Variants in SINHCAF observed in about 807,000 individuals in gnomAD.
SINHCAF encodes SIN3-HDAC complex-associated factor.
In SINHCAF, 3 loss-of-function variants were observed where a neutral mutation model predicts 25.8. That is an observed-to-expected ratio of 0.12 (90% confidence interval 0.05 to 0.30). SINHCAF has a LOEUF of 0.30. SINHCAF is among the 10% of genes least tolerant of loss of function. The pLI, the probability that SINHCAF is intolerant of heterozygous loss-of-function variation, is 1.00. For missense variants in SINHCAF, 121 were observed against 262.3 expected (o/e 0.46, Z 3.72); for synonymous variants, 70 against 85.5 (o/e 0.82, Z 1.00).
chr12:31,319,280 G>C (rs1489070003), intron 1 of SINHCAF, among the ~76,000 whole-genome samples: 2 of 152,184 alleles, frequency 1.3e-5, no homozygotes, highest in African/African-American at 4.8e-5. Context: ...TGTAATCCCA[G>C]CACTATGGGA....
rs138364554 is a variant in SINHCAF, at chr12:31,287,711, G to A, written c.429C>T (p.Asp143=). Residue 143 remains aspartate (D), a synonymous_variant, in exon 5 of 6, where the codon GAC becomes GAT. Coordinates refer to ENST00000337682, the MANE Select transcript of SINHCAF (RefSeq NM_001135812.2). ...QSPCYSNQSD[D]GSDTEMASGS... ...CAGAAGCCATCTCTGTATCTGAGCC[G>A]TCATCTGACTGGTTACTGTAACAAG... The A allele has an allele frequency of 4.4e-5, 71 of 1,610,732 alleles. No homozygotes were observed. Among genetic ancestry groups the A allele is most frequent in the Non-Finnish European group, 5.5e-5 (65 of 1,178,218 alleles).
chr12:31,287,982 A>C (rs1267171939), intron 4 of SINHCAF, among the ~76,000 whole-genome samples, 198 bp from the exon 5 acceptor site: 1 of 152,198 alleles, frequency 6.6e-6, no homozygotes, highest in East Asian at 1.9e-4. Flanking sequence ...TGGAATAGAC[A>C]TACTTCCTAT....
intron 1 of SINHCAF, among the ~76,000 whole-genome samples, chr12:31,308,911 T>TA (rs1939144039): frequency 2.6e-5 from 4 of 151,910 alleles, no homozygotes; most frequent in Non-Finnish European, 4.4e-5. Flanking sequence ...GTGGATCACT[T>TA]GAGGTCAGGA....
rs759017028 is a variant in SINHCAF, at chr12:31,298,301, C to T, written c.-20-77G>A. 147 of 1,556,014 alleles carry T rather than the reference C, an allele frequency of 9.4e-5. No homozygotes were observed. The Middle Eastern group carries it at 1.3e-3, about 14-fold the overall frequency. ...CCATTAAAGAGTTCTCTCTGCTCCA[C>T]CCCACCCCCAAGCAACTTGGTGTTA... On this transcript the variant is annotated intron_variant, in intron 1 of 5. Coordinates refer to ENST00000337682, the MANE Select transcript of SINHCAF (RefSeq NM_001135812.2).
chr12:31,313,144 C>T (rs1323659563), intron 1 of SINHCAF, among the ~76,000 whole-genome samples: 3 of 152,174 alleles, frequency 2.0e-5, no homozygotes, highest in African/African-American at 7.2e-5. Flanking sequence ...CCTGCCTCAG[C>T]CTCCCAAGTA....
chr12:31,284,917 C>T (rs1937971095), intron 5 of SINHCAF, among the ~76,000 whole-genome samples: 1 of 152,080 alleles, frequency 6.6e-6, no homozygotes, highest in South Asian at 2.1e-4. Flanking sequence ...CTGAAGATGC[C>T]TATTTTGGGC....
At position 31,281,733 on chromosome 12, in the gene SINHCAF, A is replaced by G. The variant is rs4015566; in HGVS notation, c.*979T>C. Reference sequence around the variant, plus strand: ...GTACTATTCATACAGGGTCTTGCCTATCCTAAAGACTTGCCATTTCCCCAA... The same window carrying G: ...GTACTATTCATACAGGGTCTTGCCTGTCCTAAAGACTTGCCATTTCCCCAA... On this transcript the variant is annotated 3_prime_UTR_variant, in exon 6 of 6. Coordinates refer to ENST00000337682, the MANE Select transcript of SINHCAF (RefSeq NM_001135812.2). The G allele has an allele frequency of 6.6e-6, 1 of 152,226 alleles. No homozygotes were observed. Among genetic ancestry groups the G allele is most frequent in the Admixed American group, 6.5e-5 (1 of 15,278 alleles). 9.4% of individuals were successfully genotyped at this position (152,226 alleles called of 1,614,324 possible). A position where few individuals can be genotyped will look rare whatever the true frequency, so the allele number is the denominator to read the frequency against.
chr12:31,318,484 C>T (rs774897988), intron 1 of SINHCAF, among the ~76,000 whole-genome samples: 9 of 151,948 alleles, frequency 5.9e-5, no homozygotes, highest in Non-Finnish European at 1.3e-4. Flanking sequence ...CTATGGAATC[C>T]ACACTTGGCA....
chr12:31,298,421 A>C, intron 1 of SINHCAF, 197 bp from the exon 2 acceptor site: 1 of 548,404 alleles, frequency 1.8e-6, no homozygotes, highest in Non-Finnish European at 3.3e-6. Flanking sequence ...CACAAAGAAA[A>C]GCCTAGTTAT....
rs556608830 is a variant in SINHCAF at position 31,289,598 on chromosome 12, G to T, written c.356-1814C>A. On this transcript the variant is annotated intron_variant, in intron 4 of 5. Transcript: ENST00000337682. ...ACAGTCATTGTGCTATAAGGCTGTT[G>T]TACTGCCACGTCACAGCAAGAGCAG... Among the ~76,000 whole-genome samples, 4 of 152,258 alleles carry T rather than the reference G, an allele frequency of 2.6e-5. No homozygotes were observed. In the South Asian group the frequency reaches 8.3e-4, roughly 32 times the overall value.
chr12:31,323,821 G>A (rs1052848146), intron 1 of SINHCAF: 1 of 409,786 alleles, frequency 2.4e-6, no homozygotes, highest in South Asian at 1.7e-5. Flanking sequence ...GCGTCGTCGG[G>A]GCTGGGTCCC....
intron 1 of SINHCAF, among the ~76,000 whole-genome samples, chr12:31,316,971 T>A (rs1004344628): frequency 6.6e-6 from 1 of 152,234 alleles, no homozygotes; most frequent in African/African-American, 2.4e-5. Context: ...TTCACCTTAG[T>A]TGGCATGCAT....
In SINHCAF at chr12:31,309,664, A is replaced by ATTTTT. The variant is rs869251301; in HGVS notation, c.-20-11445_-20-11441dup. ...TTTACACCACTAACATCAACTTGTG[A>ATTTTT]TTTTTTTTTTTTTTTTTTTGAGACG... On this transcript the variant is annotated intron_variant, in intron 1 of 5. Coordinates refer to ENST00000337682, the MANE Select transcript of SINHCAF (RefSeq NM_001135812.2). Among the ~76,000 whole-genome samples the ATTTTT allele has an allele frequency of 1.8e-3, 238 of 128,734 alleles. 1 individual carries two copies. Among genetic ancestry groups the ATTTTT allele is most frequent in the African/African-American group, 6.3e-3 (218 of 34,376 alleles). The allele number at this position is 128,734 out of a possible 152,430, so 84.5% of individuals were successfully genotyped here.
chr12:31,325,095 C>T lies in SINHCAF; in HGVS notation c.-21+929G>A. ...GCCCTGCGGAGTTCACTGACTCCCG[C>T]GGCGTACACAACGCCGCCGCCTCCA... On this transcript the variant is annotated intron_variant, in intron 1 of 5. Transcript: ENST00000337682. The surrounding 1 kb of genome is among the most constrained non-coding windows in gnomAD (Gnocchi z 5.9). 1 of 456,748 alleles carries T rather than the reference C, an allele frequency of 2.2e-6. No individual in the cohort carries two copies. The highest frequency in any genetic ancestry group is 1.5e-5 in the South Asian group (1 of 64,572). 28.3% of individuals were successfully genotyped at this position (456,748 alleles called of 1,614,324 possible).
Position 31,325,184 on chromosome 12 carries a change from C to A in SINHCAF, c.-21+840G>T. ...CGGACGGCCGCCCATAAACGGGAAG[C>A]CCTCGCGGTGTCGCCCACACCTACG... On this transcript the variant is annotated intron_variant, in intron 1 of 5. Transcript: ENST00000337682. This position sits in a 1 kb window ranked among gnomAD's most constrained non-coding sequence, Gnocchi z 5.9. 1 of 456,804 alleles carries A rather than the reference C, an allele frequency of 2.2e-6. No individual in the cohort carries two copies. The highest frequency in any genetic ancestry group is 4.4e-6 in the Non-Finnish European group (1 of 226,990). 28.3% of individuals were successfully genotyped at this position (456,804 alleles called of 1,614,324 possible). A position where few individuals can be genotyped will look rare whatever the true frequency, so the allele number is the denominator to read the frequency against.
intron 1 of SINHCAF, among the ~76,000 whole-genome samples, chr12:31,301,084 T>C (rs1938772145): frequency 6.6e-6 from 1 of 152,170 alleles, no homozygotes; most frequent in Non-Finnish European, 1.5e-5. Flanking sequence ...TTCACTGAGG[T>C]TGGATTTGAC....
chr12:31,310,322 T>C (rs1939215347), intron 1 of SINHCAF, among the ~76,000 whole-genome samples: 1 of 152,166 alleles, frequency 6.6e-6, no homozygotes, highest in Non-Finnish European at 1.5e-5. Context: ...ATACAGGAGC[T>C]CCTGTGCCTA....
Position 31,324,381 on chromosome 12 carries a change from G to A in SINHCAF, c.-21+1643C>T, listed in dbSNP as rs891623826. ...GCCAAGCTCCCCGGAACCCTCGGCC[G>A]TCGCAACCCCCGACGCCAGGGCTGA... On this transcript the variant is annotated intron_variant, in intron 1 of 5. Coordinates refer to ENST00000337682, the MANE Select transcript of SINHCAF (RefSeq NM_001135812.2). The surrounding 1 kb of genome is among the most constrained non-coding windows in gnomAD (Gnocchi z 5.5). The A allele has an allele frequency of 8.8e-5, 14 of 159,744 alleles. No homozygotes were observed. The highest frequency in any genetic ancestry group is 2.2e-4 in the African/African-American group (9 of 41,458). The allele number at this position is 159,744 out of a possible 1,614,324, so 9.9% of individuals were successfully genotyped here.
intron 1 of SINHCAF, among the ~76,000 whole-genome samples, chr12:31,314,736 C>T (rs567915038): frequency 2.6e-5 from 4 of 152,214 alleles, no homozygotes; most frequent in East Asian, 1.9e-4. Flanking sequence ...AAGTAGTTTC[C>T]CCATTCTGGT....
Sources: gnomAD v4.1 joint callset for allele counts (sites outside exome capture counted in the v4.1 genomes callset) on GRCh38, gnomAD v4.1.1 for gene constraint, Gnocchi (gnomAD v3.1) non-coding constraint, MANE v1.5 for transcripts, NCBI Gene and HGNC (gene_info 2026-07-23, HGNC 2026-07-21) for gene names.